CSNK1G1: variants seen among roughly 807,000 people sequenced by gnomAD.
CSNK1G1 encodes the protein casein kinase I isoform gamma-1.
In CSNK1G1, 22 loss-of-function variants were observed where a neutral mutation model predicts 59.6. The ratio of observed to expected loss-of-function variants is 0.37; its 90% CI spans 0.26 to 0.53. The LOEUF (loss-of-function observed/expected upper bound fraction) is 0.53, where lower values mean the gene tolerates loss of function less well. Among genes scored for constraint, CSNK1G1 ranks in the 20% least tolerant of loss-of-function variants. CSNK1G1 has a pLI of 0.89. For missense variants in CSNK1G1, 384 were observed against 519.5 expected, an observed-to-expected ratio of 0.74 and a Z score of 2.54; for synonymous variants, 179 against 177.1, an observed-to-expected ratio of 1.01 and a Z score of -0.08.
At chr15:64,350,437 C>T (rs1206135374) in intron 1 of CSNK1G1, among the ~76,000 whole-genome samples, 2 of 151,688 alleles carry the variant, frequency 1.3e-5, no homozygotes, top group Non-Finnish European at 2.9e-5. Flanking sequence ...GGAGATGGAG[C>T]TTGCAGTGAG....
intron 3 of CSNK1G1, among the ~76,000 whole-genome samples, chr15:64,252,496 G>C (rs1352592132): frequency 6.6e-6 from 1 of 150,694 alleles, no homozygotes; most frequent in Non-Finnish European, 1.5e-5. Flanking sequence ...ATAGGCATAA[G>C]CCACTGCACC....
At chr15:64,276,394 T>G in intron 2 of CSNK1G1, among the ~76,000 whole-genome samples, 1 of 152,200 alleles carries the variant, frequency 6.6e-6, no homozygotes, top group East Asian at 1.9e-4. Context: ...CTACCCAATT[T>G]CAGTAACTTT....
rs949147177 is a variant in CSNK1G1 at position 64,203,181 on chromosome 15, T to C, written c.1008A>G (p.Pro336=). 2.5e-5 allele frequency: 41 copies of C among 1,612,940 alleles called. No homozygotes were observed. The highest frequency in any genetic ancestry group is 3.3e-5 in the Admixed American group (2 of 59,976). ...YDWVGRPIPT[P]VGSVHVDSGA... is the part of the protein sequence containing the mutation. ...CAGAATCTACGTGAACTGACCCTAC[T>C]GGAGTAGGCTAGAAAAATGAAACAA... is the stretch of plus-strand genomic sequence containing the variant. Residue 336 remains proline (P), a synonymous_variant, in exon 10 of 12, where the codon CCA becomes CCG. Coordinates refer to ENST00000303052, the MANE Select transcript of CSNK1G1 (RefSeq NM_022048.5).
intron 1 of CSNK1G1, among the ~76,000 whole-genome samples, chr15:64,318,641 C>T (rs1410166057): frequency 6.9e-6 from 1 of 145,804 alleles, no homozygotes; most frequent in Non-Finnish European, 1.5e-5. Flanking sequence ...GACAAAGTTT[C>T]GCCCTGTCAC....
At chr15:64,186,077 A>G (rs982111323) in intron 10 of CSNK1G1, among the ~76,000 whole-genome samples, 6 of 151,780 alleles carry the variant, frequency 4.0e-5, no homozygotes, top group Admixed American at 6.6e-5. Context: ...CCTGTGCTGG[A>G]TCTCTGGTTT....
chr15:64,182,052 C>G (rs1204485247), intron 10 of CSNK1G1: 1 of 118,372 alleles, frequency 8.4e-6, no homozygotes. Flanking sequence ...ATTAGTAACC[C>G]GTTTTTTTTT....
At chr15:64,215,448 A>G (rs752722723) in intron 5 of CSNK1G1, among the ~76,000 whole-genome samples, 3 of 151,530 alleles carry the variant, frequency 2.0e-5, no homozygotes, top group Admixed American at 6.6e-5. Flanking sequence ...TCCTGACCTC[A>G]TGATCCGCCC....
chr15:64,219,636 T>G (rs1311655686), intron 4 of CSNK1G1, among the ~76,000 whole-genome samples: 1 of 151,974 alleles, frequency 6.6e-6, no homozygotes, highest in African/African-American at 2.4e-5. Flanking sequence ...TTTCTTAAAT[T>G]TTTTCCAGAG....
intron 4 of CSNK1G1, among the ~76,000 whole-genome samples, chr15:64,239,745 C>A (rs997343761): frequency 6.6e-6 from 1 of 151,964 alleles, no homozygotes; most frequent in African/African-American, 2.4e-5. Flanking sequence ...GTCAACAAAA[C>A]CAGACAAATA....
chr15:64,337,896 A>G (rs1394471129), intron 1 of CSNK1G1, among the ~76,000 whole-genome samples: 3 of 152,166 alleles, frequency 2.0e-5, no homozygotes, highest in African/African-American at 4.8e-5. Context: ...GAAATCATGC[A>G]ATATTTGTCC....
chr15:64,180,721 C>T (rs192868526), intron 10 of CSNK1G1, among the ~76,000 whole-genome samples: 62 of 152,284 alleles, frequency 4.1e-4, no homozygotes, highest in Admixed American at 1.4e-3. Flanking sequence ...CTAATCCTTA[C>T]AAAAATCTTA....
At chr15:64,307,850 C>T (rs1414677609) in intron 1 of CSNK1G1, among the ~76,000 whole-genome samples, 5 of 152,144 alleles carry the variant, frequency 3.3e-5, no homozygotes, top group East Asian at 1.9e-4. Flanking sequence ...CCACGCCTGG[C>T]TAATTTTTTG....
intron 2 of CSNK1G1, among the ~76,000 whole-genome samples, chr15:64,277,783 ATAT>A (rs1300107639): frequency 8.6e-6 from 1 of 116,256 alleles, no homozygotes; most frequent in Non-Finnish European, 1.9e-5. Context: ...ATTTAATAAT[ATAT>A]TAATATTGAT....
intron 2 of CSNK1G1, among the ~76,000 whole-genome samples, chr15:64,287,978 G>A (rs369596398): frequency 1.8e-4 from 27 of 152,138 alleles, no homozygotes; most frequent in East Asian, 1.3e-3. Context: ...TTTGGAAGAT[G>A]AGAATTGAAT....
chr15:64,189,815 C>CTTT (rs970702567), intron 10 of CSNK1G1, among the ~76,000 whole-genome samples: 11 of 127,298 alleles, frequency 8.6e-5, no homozygotes, highest in East Asian at 2.2e-4. Context: ...CTACAATTTA[C>CTTT]TTTTTTTTTT....
intron 2 of CSNK1G1, among the ~76,000 whole-genome samples, chr15:64,293,943 T>G (rs1894876056): frequency 1.3e-5 from 2 of 152,212 alleles, no homozygotes; most frequent in Non-Finnish European, 2.9e-5. Flanking sequence ...ACTGTATTAA[T>G]TATAGTATTA....
At chr15:64,285,419 A>C (rs1459803575) in intron 2 of CSNK1G1, among the ~76,000 whole-genome samples, 1 of 152,214 alleles carries the variant, frequency 6.6e-6, no homozygotes, top group East Asian at 1.9e-4. Context: ...AATTAGAATT[A>C]TCCTAAACCT....
intron 1 of CSNK1G1, among the ~76,000 whole-genome samples, chr15:64,331,879 T>C (rs893358746): frequency 6.7e-6 from 1 of 148,266 alleles, no homozygotes; most frequent in Non-Finnish European, 1.5e-5. Context: ...GAACAGACAC[T>C]TCTCAAAAGA....
intron 1 of CSNK1G1, among the ~76,000 whole-genome samples, chr15:64,324,627 C>T (rs1274718575): frequency 6.6e-6 from 1 of 152,244 alleles, no homozygotes; most frequent in East Asian, 1.9e-4. Flanking sequence ...AGACTGGCTT[C>T]CCTGCTCCTC....
Sources: gnomAD v4.1 joint callset for allele counts (sites outside exome capture counted in the v4.1 genomes callset) on GRCh38, gnomAD v4.1.1 for gene constraint, MANE v1.5 for transcripts, NCBI Gene and HGNC (gene_info 2026-07-23, HGNC 2026-07-21) for gene names.